TSHZ2: variants seen among roughly 807,000 people sequenced by gnomAD.
TSHZ2 encodes teashirt zinc finger homeobox 2, also known as teashirt homolog 2.
TSHZ2 carries 21 observed loss-of-function variants against 74.4 expected under a neutral mutation model. The observed-to-expected ratio is 0.28, with a 90% CI of 0.20 to 0.41. TSHZ2 has a LOEUF of 0.41. Ranked by LOEUF, TSHZ2 falls within the 10% of genes least tolerant of loss-of-function variation. The pLI is 1.00. For synonymous variants in TSHZ2, 540 were observed against 515.3 expected (o/e 1.05, Z -0.65); for missense variants, 1,244 against 1,293.5 (o/e 0.96, Z 0.59).
intron 2 of TSHZ2, among the ~76,000 whole-genome samples, chr20:53,355,062 GTTTA>G (rs1397972113): frequency 1.3e-5 from 2 of 152,038 alleles, no homozygotes; most frequent in African/African-American, 4.8e-5. Flanking sequence ...CTTACTTATT[GTTTA>G]TTTATTGCCT....
At chr20:53,326,006 C>T (rs1600811679) in intron 2 of TSHZ2, among the ~76,000 whole-genome samples, 2 of 152,264 alleles carry the variant, frequency 1.3e-5, no homozygotes, top group South Asian at 4.1e-4. Flanking sequence ...TGGTATCAAA[C>T]TTCTGACCTC....
intron 2 of TSHZ2, among the ~76,000 whole-genome samples, chr20:53,358,542 A>G (rs1980936733): frequency 6.6e-6 from 1 of 151,562 alleles, no homozygotes; most frequent in Non-Finnish European, 1.5e-5. Flanking sequence ...ATGGGGTTTC[A>G]CCATGTTGGC....
At chr20:53,046,292 T>C (rs1568734457) in intron 1 of TSHZ2, among the ~76,000 whole-genome samples, 1 of 152,208 alleles carries the variant, frequency 6.6e-6, no homozygotes, top group Non-Finnish European at 1.5e-5. Flanking sequence ...AATGATGTTC[T>C]AGAACCCTCC....
At chr20:53,215,314 G>A (rs1989410134) in intron 1 of TSHZ2, among the ~76,000 whole-genome samples, 1 of 151,920 alleles carries the variant, frequency 6.6e-6, no homozygotes, top group African/African-American at 2.4e-5. Flanking sequence ...GAGCAAAATA[G>A]CAGCATTTTG....
chr20:53,335,147 A>G (rs1979894435), intron 2 of TSHZ2, among the ~76,000 whole-genome samples: 1 of 152,208 alleles, frequency 6.6e-6, no homozygotes, highest in Admixed American at 6.5e-5. Flanking sequence ...CAGCGTCAGC[A>G]TCGCCTGGAC....
At chr20:53,182,446 A>T (rs1988504195) in intron 1 of TSHZ2, among the ~76,000 whole-genome samples, 1 of 152,208 alleles carries the variant, frequency 6.6e-6, no homozygotes, top group African/African-American at 2.4e-5. Context: ...GTCATGAGCC[A>T]CCTCTGCATA....
intron 2 of TSHZ2, among the ~76,000 whole-genome samples, chr20:53,459,195 TCTCTTTG>T (rs1286528272): frequency 1.4e-4 from 21 of 152,260 alleles, no homozygotes; most frequent in African/African-American, 5.1e-4. Flanking sequence ...GGAGTCTAAG[TCTCTTTG>T]TAGGTCACTC....
rs370442939 is a variant in TSHZ2, at chr20:53,106,561, T to C, written c.40+133228T>C. ...CTGGGACTACAGGCGCCCGCCACCATGCCCAGCTAATTTTTTGTATTTTTA... is the reference window on the plus strand; with the variant it reads ...CTGGGACTACAGGCGCCCGCCACCACGCCCAGCTAATTTTTTGTATTTTTA... On this transcript the variant is annotated intron_variant, in intron 1 of 2. Transcript: ENST00000371497. Among the ~76,000 whole-genome samples the C allele has an allele frequency of 9.7e-3, 1,311 of 135,396 alleles. 12 individuals carry two copies. The highest frequency in any genetic ancestry group is 0.034 in the African/African-American group (1,236 of 36,076). The allele number at this position is 135,396 out of a possible 152,430, so 88.8% of individuals were successfully genotyped here. A position where few individuals can be genotyped will look rare whatever the true frequency, so the allele number is the denominator to read the frequency against.
chr20:53,415,683 G>T (rs1600621840), intron 2 of TSHZ2, among the ~76,000 whole-genome samples: 1 of 134 alleles, frequency 7.5e-3, no homozygotes, highest in African/African-American at 0.026. Context: ...ATGTATGTGT[G>T]TATATACATA....
chr20:53,247,146 T>C (rs891015118), intron 1 of TSHZ2, among the ~76,000 whole-genome samples: 4 of 152,218 alleles, frequency 2.6e-5, no homozygotes, highest in South Asian at 4.1e-4. Context: ...TCTCTCTCGA[T>C]CCGTATATAT....
intron 2 of TSHZ2, among the ~76,000 whole-genome samples, chr20:53,446,509 G>A (rs1984553036): frequency 1.3e-5 from 2 of 150,752 alleles, no homozygotes; most frequent in South Asian, 4.2e-4. Flanking sequence ...AACCCAGGCG[G>A]CAGAGCTTGC....
intron 1 of TSHZ2, among the ~76,000 whole-genome samples, chr20:53,207,534 T>C (rs1025580886): frequency 3.3e-5 from 5 of 152,132 alleles, no homozygotes; most frequent in African/African-American, 1.2e-4. Flanking sequence ...TGTAGGGACA[T>C]GGCTGCAGAG....
chr20:53,171,339 C>T (rs1319280582), intron 1 of TSHZ2, among the ~76,000 whole-genome samples: 1 of 152,228 alleles, frequency 6.6e-6, no homozygotes, highest in Non-Finnish European at 1.5e-5. Flanking sequence ...TTAAATCGCA[C>T]ATTTCAGACA....
chr20:53,119,525 A>C (rs1157970749), intron 1 of TSHZ2, among the ~76,000 whole-genome samples: 2 of 152,226 alleles, frequency 1.3e-5, no homozygotes, highest in Admixed American at 6.5e-5. Context: ...GGTAACGATG[A>C]ACACATATGA....
At chr20:53,462,997 T>A (rs1985428124) in intron 2 of TSHZ2, among the ~76,000 whole-genome samples, 1 of 152,174 alleles carries the variant, frequency 6.6e-6, no homozygotes, top group South Asian at 2.1e-4. Context: ...TCATGTAAAG[T>A]GCCTCACACA....
chr20:53,420,917 T>C (rs1000637514), intron 2 of TSHZ2, among the ~76,000 whole-genome samples: 31 of 152,216 alleles, frequency 2.0e-4, no homozygotes, highest in African/African-American at 6.5e-4. Context: ...TCAGGCTCAC[T>C]CACTCAAACA....
At chr20:53,147,323 C>T (rs1208276582) in intron 1 of TSHZ2, among the ~76,000 whole-genome samples, 1 of 152,126 alleles carries the variant, frequency 6.6e-6, no homozygotes, top group Non-Finnish European at 1.5e-5. Flanking sequence ...CCTTTTCTTT[C>T]AGTAGGTCAA....
At position 53,160,745 on chromosome 20, in the gene TSHZ2, C is replaced by CAAAAAAAAAAAA. The variant is rs10653039; in HGVS notation, c.41-92747_41-92736dup. Among the ~76,000 whole-genome samples, 47 of 95,818 alleles carry CAAAAAAAAAAAA rather than the reference C, an allele frequency of 4.9e-4. 1 individual carries two copies. The highest frequency in any genetic ancestry group is 1.9e-3 in the African/African-American group (46 of 23,656). The allele number at this position is 95,818 out of a possible 152,430, so 62.9% of individuals were successfully genotyped here. A position where few individuals can be genotyped will look rare whatever the true frequency, so the allele number is the denominator to read the frequency against. Reference sequence around the variant, plus strand: ...GGGTGACAGGGCAAGACTCTGTCTCCAAAAAAAAAAAAAAAAAAGACATTT... The same window carrying CAAAAAAAAAAAA: ...GGGTGACAGGGCAAGACTCTGTCTCCAAAAAAAAAAAAAAAAAAAAAAAAAAAAAAGACATTT... On this transcript the variant is annotated intron_variant, in intron 1 of 2. Transcript: ENST00000371497.
At position 53,091,628 on chromosome 20, in the gene TSHZ2, A is replaced by G. The variant is rs186925849; in HGVS notation, c.40+118295A>G. ...CTTAGATTTTTGAAGATGCAAAAGT[A>G]TCACGACTTCCTGTCCAAAAGGAAA... On this transcript the variant is annotated intron_variant, in intron 1 of 2. Transcript: ENST00000371497. Among the ~76,000 whole-genome samples the G allele has an allele frequency of 1.7e-3, 258 of 152,362 alleles. 1 individual carries two copies. The highest frequency in any genetic ancestry group is 5.9e-3 in the African/African-American group (246 of 41,590).
Sources: gnomAD v4.1 joint callset for allele counts (sites outside exome capture counted in the v4.1 genomes callset) on GRCh38, gnomAD v4.1.1 for gene constraint, MANE v1.5 for transcripts, NCBI Gene and HGNC (gene_info 2026-07-23, HGNC 2026-07-21) for gene names.